The following LRWD1 variants were observed in gnomAD, a reference collection of about 807,000 sequenced individuals.
LRWD1 encodes the protein leucine-rich repeat and WD repeat-containing protein 1.
In LRWD1, 76 loss-of-function variants were observed where a neutral mutation model predicts 75.6. That is an observed-to-expected ratio of 1.01 (90% confidence interval 0.84 to 1.22). LRWD1 has a LOEUF of 1.22. Among genes scored for constraint, LRWD1 ranks in the 50% most tolerant of loss-of-function variants. The pLI is 0.00. For missense variants in LRWD1, 917 were observed against 862.0 expected (o/e 1.06, Z -0.80); for synonymous variants, 487 against 377.0 (o/e 1.29, Z -3.38).
chr7:102,468,879 G>A lies in LRWD1; in HGVS notation c.1045G>A (p.Ala349Thr), dbSNP rs777449211. 5.3e-5 allele frequency: 86 copies of A among 1,612,076 alleles called. No individual in the cohort carries two copies. Among genetic ancestry groups the A allele is most frequent in the Admixed American group, 2.7e-4 (16 of 59,982 alleles). ...GGAGTTCTTTTCTGTGGCCTGGACC[G>A]CTCTGATGGTGGTCACACAGGCTGG... ...GEEFFSVAWT[A>T]LMVVTQAGHK... The change falls in exon 9 of 15, where the codon GCT becomes ACT. Residue 349 changes from alanine (A) to threonine (T), a missense_variant. Ala to Thr is a moderately conservative substitution (Grantham distance 58, BLOSUM62 0). Transcript: ENST00000292616.
chr7:102,472,925 A>T lies in LRWD1; in HGVS notation c.1820A>T (p.Gln607Leu). The change falls in exon 15 of 15, where the codon CAG becomes CTG. Residue 607 changes from glutamine to leucine, a missense_variant. By Grantham distance (113) the Gln-to-Leu change is moderately radical. Transcript: ENST00000292616. Reference protein sequence around the residue: ...QAPTQILKWPQPWALGQVVTK... With the variant: ...QAPTQILKWPLPWALGQVVTK... ...CCCCACCAGATCCTGAAGTGGCCCC[A>T]GCCCTGGGCCCTTGGCCAGGTGGTG... is the stretch of plus-strand genomic sequence containing the variant. 6.2e-7 allele frequency: 1 copy of T among 1,613,178 alleles called. No individual in the cohort carries two copies. Among genetic ancestry groups the T allele is most frequent in the Admixed American group, 1.7e-5 (1 of 59,996 alleles).
chr7:102,467,171 GGTGTGTGTGTGTGTGTGTGTGTGT>G (rs1209487514), intron 3 of LRWD1, among the ~76,000 whole-genome samples, 144 bp from the exon 4 acceptor site: 2 of 99,114 alleles, frequency 2.0e-5, no homozygotes, highest in Non-Finnish European at 3.9e-5. Context: ...GTGTGTGTGG[GGTGTGTGTGTGTGTGTGTGTGTGT>G]GTGTGTGTGT....
In LRWD1 at chr7:102,466,241, G is replaced by A; in HGVS notation, c.403G>A (p.Glu135Lys). 1 of 1,614,094 alleles carries A rather than the reference G, an allele frequency of 6.2e-7. No homozygotes were observed. The highest frequency in any genetic ancestry group is 8.5e-7 in the Non-Finnish European group (1 of 1,179,990). ...TGCGTCCTCAACTTACTCTCAGGTG[G>A]AGAACCTGAATCGGGAGCTGACCAG... ...KDASSTYSQV[E>K]NLNRELTSRV... The change falls in exon 3 of 15, where the codon GAG becomes AAG. Residue 135 changes from glutamate (E) to lysine (K), a missense_variant. Transcript: ENST00000292616.
rs902588150 is a variant in LRWD1, at chr7:102,468,164, G to C, written c.781G>C (p.Val261Leu). 6.2e-7 allele frequency: 1 copy of C among 1,606,472 alleles called. No homozygotes were observed. Among genetic ancestry groups the C allele is most frequent in the African/African-American group, 1.3e-5 (1 of 74,924 alleles). The change falls in exon 6 of 15, where the codon GTG (valine) becomes CTG (leucine). Residue 261 changes from valine to leucine, a missense_variant. Val to Leu is a conservative substitution (Grantham distance 32). Coordinates refer to ENST00000292616, the MANE Select transcript of LRWD1 (RefSeq NM_152892.3). ...GTCGGCCCAGGTGGAGGGCAGCCCT[G>C]TGGCAGGCTCCGATGGCAGCCAGGT... ...SPSAQVEGSP[V>L]AGSDGSQPAV...
chr7:102,472,314 G>A lies in LRWD1; in HGVS notation c.1534+5G>A. On this transcript the variant is annotated splice_donor_5th_base_variant and intron_variant, in intron 12 of 14. Transcript: ENST00000292616. The stretch of plus-strand genomic sequence containing the variant: ...TTGTGAATGAGGACATCGTGGGTGA[G>A]TGAGCTCAGCTTGTGGGACAGCCTG... The A allele has an allele frequency of 6.4e-7, 1 of 1,567,492 alleles. No individual in the cohort carries two copies. The highest frequency in any genetic ancestry group is 8.7e-7 in the Non-Finnish European group (1 of 1,154,682).
chr7:102,472,554 G>A lies in LRWD1; in HGVS notation c.1635G>A (p.Ala545=), dbSNP rs761553328. ...CCACGGTGGCAGTGGTGGTCCTGGCGCGGCTGCAATGGTCGTCCACCGAGT... is the reference window on the plus strand; with the variant it reads ...CCACGGTGGCAGTGGTGGTCCTGGCACGGCTGCAATGGTCGTCCACCGAGT... ...SQSTVAVVVL[A]RLQWSSTELA... is the part of the protein sequence containing the mutation. The change falls in exon 13 of 15, where the codon GCG becomes GCA. Residue 545 remains alanine (A), a synonymous_variant. Transcript: ENST00000292616. 34 of 1,597,600 alleles carry A rather than the reference G, an allele frequency of 2.1e-5. No individual in the cohort carries two copies. The highest frequency in any genetic ancestry group is 5.3e-5 in the African/African-American group (4 of 74,820).
Position 102,472,263 on chromosome 7 carries a change from T to C in LRWD1, c.1488T>C (p.Ser496=). 2 of 1,596,032 alleles carry C rather than the reference T, an allele frequency of 1.3e-6. No individual in the cohort carries two copies. The highest frequency in any genetic ancestry group is 3.3e-4 in the Middle Eastern group (2 of 6,054). ...TCTTCTCTGAGGGCTCCGAGGCATC[T>C]GGACGGAGAGTGGATGGGCTGGCAT... is the stretch of plus-strand genomic sequence containing the variant. The part of the protein sequence containing the change: ...EFVFSEGSEA[S]GRRVDGLAFV... Residue 496 remains serine, a synonymous_variant, in exon 12 of 15, where the codon TCT becomes TCC. Coordinates refer to ENST00000292616, the MANE Select transcript of LRWD1 (RefSeq NM_152892.3).
At chr7:102,472,173 C>G in intron 11 of LRWD1, 45 bp from the exon 12 acceptor site, 2 of 1,536,662 alleles carry the variant, frequency 1.3e-6, no homozygotes, top group Non-Finnish European at 8.8e-7. Context: ...GGGCAGCTCT[C>G]TATCTGCAAG....
Position 102,467,403 on chromosome 7 carries a change from A to G in LRWD1, c.497A>G (p.Gln166Arg), listed in dbSNP as rs141905334. 7.1e-5 allele frequency: 114 copies of G among 1,613,722 alleles called. No individual in the cohort carries two copies. Among genetic ancestry groups the G allele is most frequent in the Admixed American group, 1.5e-4 (9 of 59,954 alleles). ...LGPEEEAEKA[Q>R]ADFVKSAVRD... ...CCTGAAGAGGAGGCTGAGAAGGCCC[A>G]GGCGGACTTTGTGAAGTCGGCTGTC... The change falls in exon 4 of 15, where the codon CAG becomes CGG. Residue 166 changes from glutamine to arginine, a missense_variant. Coordinates refer to ENST00000292616, the MANE Select transcript of LRWD1 (RefSeq NM_152892.3).
chr7:102,471,789 C>G, intron 11 of LRWD1: 1 of 214,668 alleles, frequency 4.7e-6, no homozygotes, highest in Non-Finnish European at 9.4e-6. Flanking sequence ...CCAACAGCCC[C>G]CTGGGCCATG....
In LRWD1 at chr7:102,465,152, G is replaced by A. The variant is rs1797919381; in HGVS notation, c.72G>A (p.Arg24=). The A allele has an allele frequency of 6.6e-7, 1 of 1,510,928 alleles. No individual in the cohort carries two copies. The highest frequency in any genetic ancestry group is 1.3e-5 in the South Asian group (1 of 78,976). 93.6% of individuals were successfully genotyped at this position (1,510,928 alleles called of 1,614,324 possible). ...AGAGCGACCGGCTGGGGAAGATCCG[G>A]AGTCTGGAGTAAGAGCCGGGCAGCG... ...RPKSDRLGKI[R]SLDLSGLELL... The change falls in exon 1 of 15, where the codon CGG becomes CGA. Residue 24 remains arginine, a synonymous_variant. Coordinates refer to ENST00000292616, the MANE Select transcript of LRWD1 (RefSeq NM_152892.3).
rs111311706 is a variant in LRWD1, at chr7:102,471,815, G to A, written c.1443-403G>A. On this transcript the variant is annotated intron_variant, in intron 11 of 14. Coordinates refer to ENST00000292616, the MANE Select transcript of LRWD1 (RefSeq NM_152892.3). Reference sequence around the variant, plus strand: ...CTGGGCCATGGCCCCCCATTCCCCCGTCTTTTGAGTCAGAGCAGATGCCCC... The same window carrying A: ...CTGGGCCATGGCCCCCCATTCCCCCATCTTTTGAGTCAGAGCAGATGCCCC... 2.2e-4 allele frequency: 35 copies of A among 156,634 alleles called. 1 individual carries two copies. Among genetic ancestry groups the A allele is most frequent in the South Asian group, 2.2e-3 (16 of 7,300 alleles). 9.7% of individuals were successfully genotyped at this position (156,634 alleles called of 1,614,324 possible). A position where few individuals can be genotyped will look rare whatever the true frequency, so the allele number is the denominator to read the frequency against.
chr7:102,467,193 T>G (rs1798032756), intron 3 of LRWD1, 146 bp from the exon 4 acceptor site: 1 of 688,344 alleles, frequency 1.5e-6, no homozygotes. Context: ...TGTGTGTGTG[T>G]GTGTGTGTGT....
chr7:102,469,612 G>A lies in LRWD1; in HGVS notation c.1267G>A (p.Gly423Arg), dbSNP rs145369828. 12 of 1,614,018 alleles carry A rather than the reference G, an allele frequency of 7.4e-6. No homozygotes were observed. Among genetic ancestry groups the A allele is most frequent in the Middle Eastern group, 3.3e-4 (2 of 6,080 alleles). ...YDKRIILWDIGVPNQDYEFQA... is the reference protein window; with the variant it reads ...YDKRIILWDIRVPNQDYEFQA... ...CAAGCGGATCATCCTCTGGGACATC[G>A]GGGTGCCCAACCAGGACTACGAATT... Residue 423 changes from glycine (G) to arginine (R), a missense_variant, in exon 10 of 15, where the codon GGG (glycine) becomes AGG (arginine). Transcript: ENST00000292616.
At chr7:102,472,070 G>A (rs1798208904) in intron 11 of LRWD1, 148 bp from the exon 12 acceptor site, 1 of 738,294 alleles carries the variant, frequency 1.4e-6, no homozygotes, top group Admixed American at 2.3e-5. Flanking sequence ...AACCTTCCTG[G>A]GGCCAAGAAT....
rs1797932813 is a variant in LRWD1 at position 102,465,488 on chromosome 7, G to GTT, written c.80+328_81-328insTT. On this transcript the variant is annotated intron_variant, in intron 1 of 14. Coordinates refer to ENST00000292616, the MANE Select transcript of LRWD1 (RefSeq NM_152892.3). Reference sequence around the variant, plus strand: ...GCCCCCGAGTCCTAAAGTAGTTGCAGCTTTTTTTTTTTTTTTTTTTTTTTT... The same window carrying GTT: ...GCCCCCGAGTCCTAAAGTAGTTGCAGTTCTTTTTTTTTTTTTTTTTTTTTTTT... The GTT allele has an allele frequency of 1.0e-3, 109 of 108,040 alleles. 10 individuals are homozygous for GTT. Among genetic ancestry groups the GTT allele is most frequent in the African/African-American group, 4.2e-3 (84 of 19,954 alleles). 6.7% of individuals were successfully genotyped at this position (108,040 alleles called of 1,614,324 possible). A position where few individuals can be genotyped will look rare whatever the true frequency, so the allele number is the denominator to read the frequency against.
intron 11 of LRWD1, chr7:102,470,098 C>A: frequency 1.7e-6 from 1 of 573,120 alleles, no homozygotes; most frequent in Non-Finnish European, 2.9e-6. Flanking sequence ...GGGACTGGGC[C>A]ATGATGACCT....
chr7:102,466,770 T>G, intron 3 of LRWD1, among the ~76,000 whole-genome samples: 1 of 6,356 alleles, frequency 1.6e-4, no homozygotes, highest in Admixed American at 4.5e-3. Context: ...CTTTTTTTTT[T>G]TTTTTTTTTT....
chr7:102,468,146 C>A lies in LRWD1; in HGVS notation c.763C>A (p.Gln255Lys). The A allele has an allele frequency of 6.2e-7, 1 of 1,607,304 alleles. No homozygotes were observed. The highest frequency in any genetic ancestry group is 8.5e-7 in the Non-Finnish European group (1 of 1,177,978). Residue 255 changes from glutamine to lysine, a missense_variant, in exon 6 of 15, where the codon CAG becomes AAG. Physicochemically the swap from Gln to Lys is moderately conservative, Grantham distance 53 (BLOSUM62 1). Transcript: ENST00000292616. The part of the protein sequence containing the change: ...SKRACASPSA[Q>K]VEGSPVAGSD... ...GCGGGCGTGTGCCTCCCCGTCGGCC[C>A]AGGTGGAGGGCAGCCCTGTGGCAGG...
Sources: allele counts gnomAD v4.1 joint callset (sites outside exome capture counted in the v4.1 genomes callset), GRCh38; gene constraint gnomAD v4.1.1; transcripts MANE v1.5; gene names NCBI Gene and HGNC (gene_info 2026-07-23, HGNC 2026-07-21).